The following RNF2 variants were observed in gnomAD, a reference collection of about 807,000 sequenced individuals.
RNF2 encodes the protein ring finger protein 2, also known as E3 ubiquitin-protein ligase RING2.
A neutral mutation model predicts 37.2 loss-of-function variants in RNF2; 6 were observed. The observed-to-expected ratio is 0.16, with a 90% CI of 0.09 to 0.32. The LOEUF (loss-of-function observed/expected upper bound fraction) is 0.32. Ranked by LOEUF, RNF2 falls within the 10% of genes least tolerant of loss-of-function variation. The pLI is 1.00. For synonymous variants in RNF2, 133 were observed against 132.7 expected (o/e 1.00, Z -0.02); for missense variants, 251 against 404.0 (o/e 0.62, Z 3.25).
chr1:185,071,657 G>A (rs41529047), intron 1 of RNF2: 2,234 of 166,426 alleles, frequency 0.013, 59 homozygotes, highest in African/African-American at 0.049. Flanking sequence ...AGTTGAACAT[G>A]GTCACCCAGT....
chr1:185,090,210 G>T (rs868855903), intron 2 of RNF2, among the ~76,000 whole-genome samples: 1 of 152,148 alleles, frequency 6.6e-6, no homozygotes, highest in Non-Finnish European at 1.5e-5. Flanking sequence ...GTGAGCCATC[G>T]TGCCTGGCCG....
intron 1 of RNF2, among the ~76,000 whole-genome samples, chr1:185,066,564 TTGTC>T (rs1650805400): frequency 6.6e-6 from 1 of 152,240 alleles, no homozygotes; most frequent in East Asian, 1.9e-4. Context: ...TGTTCAAGGA[TTGTC>T]TGCCTCAGTA....
At chr1:185,065,992 C>G (rs781471385) in intron 1 of RNF2, among the ~76,000 whole-genome samples, 2 of 151,598 alleles carry the variant, frequency 1.3e-5, no homozygotes, top group Non-Finnish European at 2.9e-5. Flanking sequence ...TACACAGCCA[C>G]AAGCTTAGGA....
intron 5 of RNF2, 35 bp from the exon 6 acceptor site, chr1:185,099,756 C>G (rs760676860): frequency 6.4e-7 from 1 of 1,564,578 alleles, no homozygotes. Context: ...TTGGCATATT[C>G]TAGAAATGAA....
At chr1:185,061,349 A>C (rs1418921953) in intron 1 of RNF2, among the ~76,000 whole-genome samples, 1 of 151,698 alleles carries the variant, frequency 6.6e-6, no homozygotes. Flanking sequence ...GGATGGTCTC[A>C]AGACCCTATC....
rs1211298706 is a variant in RNF2 at position 185,101,221 on chromosome 1, T to G, written c.*920T>G. ...GTTCAAAGCTTCCCTAATTTTTTTC[T>G]TATTTGTAGCCACATAAGTTTCAAG... On this transcript the variant is annotated 3_prime_UTR_variant, in exon 7 of 7. Transcript: ENST00000367510. The G allele has an allele frequency of 6.6e-6, 1 of 152,580 alleles. No individual in the cohort carries two copies. The highest frequency in any genetic ancestry group is 6.5e-5 in the Admixed American group (1 of 15,272). The allele number at this position is 152,580 out of a possible 1,614,324, so 9.5% of individuals were successfully genotyped here. A position where few individuals can be genotyped will look rare whatever the true frequency, so the allele number is the denominator to read the frequency against.
intron 2 of RNF2, among the ~76,000 whole-genome samples, chr1:185,088,425 A>ACGTGC (rs529203661): frequency 3.3e-5 from 5 of 152,102 alleles, no homozygotes; most frequent in African/African-American, 4.8e-5. Context: ...GCATGGTGGC[A>ACGTGC]CGTGCCTGTA....
chr1:185,088,291 G>T (rs1651660446), intron 2 of RNF2, among the ~76,000 whole-genome samples: 1 of 152,142 alleles, frequency 6.6e-6, no homozygotes, highest in Admixed American at 6.5e-5. Context: ...AGGAGACTGA[G>T]AAGAACATCC....
intron 1 of RNF2, among the ~76,000 whole-genome samples, chr1:185,058,480 A>G (rs1165207047): frequency 6.6e-6 from 1 of 152,240 alleles, no homozygotes; most frequent in Non-Finnish European, 1.5e-5. Context: ...GTTAAAAACC[A>G]TGGACCTAAC....
chr1:185,077,670 C>T (rs1397769834), intron 1 of RNF2, among the ~76,000 whole-genome samples: 1 of 125,542 alleles, frequency 8.0e-6, no homozygotes, highest in African/African-American at 3.3e-5. Context: ...ATTGGCTGTA[C>T]CTGACAACTA....
chr1:185,061,190 G>A (rs1326812760), intron 1 of RNF2, among the ~76,000 whole-genome samples: 2 of 150,742 alleles, frequency 1.3e-5, no homozygotes, highest in African/African-American at 2.4e-5. Context: ...TGCAGTGGCG[G>A]GATCTCGGCT....
chr1:185,100,314 C>G lies in RNF2; in HGVS notation c.*13C>G, dbSNP rs1557977134. The G allele has an allele frequency of 1.3e-6, 2 of 1,570,546 alleles. No homozygotes were observed. Among genetic ancestry groups the G allele is most frequent in the South Asian group, 1.2e-5 (1 of 84,914 alleles). On this transcript the variant is annotated 3_prime_UTR_variant, in exon 7 of 7. Transcript: ENST00000367510. ...GGAGCACAAATGAGCCTTTAAAAAC[C>G]AATTCTGAGACTGAACTTTTTTATA...
At chr1:185,095,165 C>T (rs994132031) in intron 4 of RNF2, among the ~76,000 whole-genome samples, 1 of 152,194 alleles carries the variant, frequency 6.6e-6, no homozygotes, top group African/African-American at 2.4e-5. Context: ...TTTTACATTC[C>T]TAAGCGTTGG....
At chr1:185,049,081 C>A (rs1650198870) in intron 1 of RNF2, among the ~76,000 whole-genome samples, 1 of 152,070 alleles carries the variant, frequency 6.6e-6, no homozygotes, top group Non-Finnish European at 1.5e-5. Flanking sequence ...CAAAAATTAG[C>A]CAGGCATAGT....
chr1:185,062,387 C>A (rs190952487), intron 1 of RNF2, among the ~76,000 whole-genome samples: 1 of 152,168 alleles, frequency 6.6e-6, no homozygotes. Context: ...TATATATTCA[C>A]ATATACACAT....
chr1:185,054,691 T>A (rs780431280), intron 1 of RNF2, among the ~76,000 whole-genome samples: 21 of 152,296 alleles, frequency 1.4e-4, no homozygotes, highest in African/African-American at 2.2e-4. Flanking sequence ...GTGGGTTTTT[T>A]AAAATTTTTT....
chr1:185,053,098 A>G (rs531299506), intron 1 of RNF2, among the ~76,000 whole-genome samples: 1 of 152,310 alleles, frequency 6.6e-6, no homozygotes, highest in Non-Finnish European at 1.5e-5. Context: ...AACCTAGGCA[A>G]GTCAGGCTCT....
chr1:185,054,915 G>A (rs10911671), intron 1 of RNF2, among the ~76,000 whole-genome samples: 1,575 of 152,218 alleles, frequency 0.01, 23 homozygotes, highest in African/African-American at 0.036. Flanking sequence ...GCCCAGGCTG[G>A]TCTGGAACTC....
chr1:185,096,243 T>C (rs1418646893), intron 4 of RNF2, among the ~76,000 whole-genome samples: 4 of 152,228 alleles, frequency 2.6e-5, no homozygotes, highest in East Asian at 1.9e-4. Context: ...TACCTTTTTT[T>C]CAAAAATTGT....
Sources: allele counts gnomAD v4.1 joint callset (sites outside exome capture counted in the v4.1 genomes callset), GRCh38; gene constraint gnomAD v4.1.1; transcripts MANE v1.5; gene names NCBI Gene and HGNC (gene_info 2026-07-23, HGNC 2026-07-21).